GABRA4: variants seen among roughly 807,000 people sequenced by gnomAD.
The protein encoded by GABRA4 is gamma-aminobutyric acid type A receptor subunit alpha4.
Under a neutral mutation model 49.7 loss-of-function variants are expected in GABRA4, and 12 were observed. The ratio of observed to expected loss-of-function variants is 0.24; its 90% CI spans 0.15 to 0.39. GABRA4 has a LOEUF of 0.39. Ranked by LOEUF, GABRA4 falls within the 10% of genes least tolerant of loss-of-function variation. The pLI, the probability that GABRA4 is intolerant of heterozygous loss-of-function variation, is 1.00. For synonymous variants in GABRA4, 288 were observed against 240.2 expected (o/e 1.20, Z -1.84); for missense variants, 506 against 686.0 (o/e 0.74, Z 2.93).
At chr4:46,951,348 TAC>T (rs1304330441) in intron 8 of GABRA4, among the ~76,000 whole-genome samples, 3 of 151,368 alleles carry the variant, frequency 2.0e-5, no homozygotes, top group African/African-American at 7.3e-5. Flanking sequence ...ATTGTATTCA[TAC>T]AGTCTTTCAT....
At chr4:46,981,077 G>A (rs1201385631) in intron 2 of GABRA4, among the ~76,000 whole-genome samples, 1 of 152,012 alleles carries the variant, frequency 6.6e-6, no homozygotes, top group Non-Finnish European at 1.5e-5. Flanking sequence ...CGCTGATTTA[G>A]TACTAGGCAT....
At chr4:46,985,743 A>T (rs1177937703) in intron 2 of GABRA4, among the ~76,000 whole-genome samples, 1 of 152,030 alleles carries the variant, frequency 6.6e-6, no homozygotes, top group African/African-American at 2.4e-5. Flanking sequence ...CCTAACCCTA[A>T]TGAAAATGTA....
At chr4:46,944,499 G>T (rs1176147041) in intron 8 of GABRA4, among the ~76,000 whole-genome samples, 1 of 151,852 alleles carries the variant, frequency 6.6e-6, no homozygotes, top group African/African-American at 2.4e-5. Flanking sequence ...AAAATAAATT[G>T]CTTGCACACA....
At chr4:46,944,887 G>A (rs1222288175) in intron 8 of GABRA4, among the ~76,000 whole-genome samples, 1 of 152,002 alleles carries the variant, frequency 6.6e-6, no homozygotes, top group African/African-American at 2.4e-5. Context: ...CCTCAACAGT[G>A]TCTAACTGTT....
At chr4:46,953,624 G>A in intron 8 of GABRA4, among the ~76,000 whole-genome samples, 1 of 152,114 alleles carries the variant, frequency 6.6e-6, no homozygotes, top group African/African-American at 2.4e-5. Context: ...GTGATTTTTA[G>A]AGTTGACAAA....
At chr4:46,962,664 CAAAGAATG>C (rs1208581999) in intron 8 of GABRA4, among the ~76,000 whole-genome samples, 2 of 151,662 alleles carry the variant, frequency 1.3e-5, no homozygotes, top group Non-Finnish European at 2.9e-5. Flanking sequence ...ATCCTAAGCA[CAAAGAATG>C]AAACTGGAGG....
chr4:46,972,969 C>T (rs1723002978), intron 6 of GABRA4, among the ~76,000 whole-genome samples: 1 of 151,738 alleles, frequency 6.6e-6, no homozygotes. Context: ...GCAGTCAACA[C>T]CTTTTAAGAA....
At position 46,928,139 on chromosome 4, in the gene GABRA4, T is replaced by G; in HGVS notation, c.*86A>C. On this transcript the variant is annotated 3_prime_UTR_variant, in exon 9 of 9. Coordinates refer to ENST00000264318, the MANE Select transcript of GABRA4 (RefSeq NM_000809.4). ...AAATTACACAGAGTTTTTATTTTAGTAAAGAATATTTGTTTATATTTAAAA... is the reference window on the plus strand; with the variant it reads ...AAATTACACAGAGTTTTTATTTTAGGAAAGAATATTTGTTTATATTTAAAA... 8.9e-7 allele frequency: 1 copy of G among 1,125,932 alleles called. No individual in the cohort carries two copies. Among genetic ancestry groups the G allele is most frequent in the Admixed American group, 2.9e-5 (1 of 34,914 alleles). 69.7% of individuals were successfully genotyped at this position (1,125,932 alleles called of 1,614,324 possible). A position where few individuals can be genotyped will look rare whatever the true frequency, so the allele number is the denominator to read the frequency against.
At chr4:46,967,324 G>A (rs1722798578) in intron 7 of GABRA4, among the ~76,000 whole-genome samples, 1 of 150,500 alleles carries the variant, frequency 6.6e-6, no homozygotes, top group Non-Finnish European at 1.5e-5. Flanking sequence ...TCAAATACAA[G>A]CAACTTAAGA....
At chr4:46,968,284 C>T (rs1367751656) in intron 7 of GABRA4, among the ~76,000 whole-genome samples, 1 of 151,316 alleles carries the variant, frequency 6.6e-6, no homozygotes. Flanking sequence ...CATCTTAGGT[C>T]TTTGAAGACT....
intron 8 of GABRA4, among the ~76,000 whole-genome samples, chr4:46,951,806 G>A (rs1391357456): frequency 6.6e-6 from 1 of 151,596 alleles, no homozygotes; most frequent in Admixed American, 6.6e-5. Flanking sequence ...GTGTGTGTGT[G>A]TGTGTGTGTA....
Position 46,921,009 on chromosome 4 carries a change from T to C in GABRA4, c.*7216A>G, listed in dbSNP as rs1434492716. 6.6e-6 allele frequency: 1 copy of C among 151,890 alleles called. No individual in the cohort carries two copies. The highest frequency in any genetic ancestry group is 1.5e-5 in the Non-Finnish European group (1 of 67,808). 9.4% of individuals were successfully genotyped at this position (151,890 alleles called of 1,614,324 possible). On this transcript the variant is annotated 3_prime_UTR_variant, in exon 9 of 9. Transcript: ENST00000264318. ...CGGTTCAGTGATAATATCATACTCT[T>C]GAATATCGTAAATTTCCTTTGCATA...
chr4:46,957,144 C>A (rs1471451485), intron 8 of GABRA4, among the ~76,000 whole-genome samples: 6 of 151,810 alleles, frequency 4.0e-5, no homozygotes, highest in South Asian at 2.1e-4. Context: ...TTATTATAAG[C>A]CTTTCCAGTA....
At chr4:46,942,610 G>T (rs1352115915) in intron 8 of GABRA4, among the ~76,000 whole-genome samples, 3 of 147,688 alleles carry the variant, frequency 2.0e-5, no homozygotes, top group African/African-American at 7.6e-5. Flanking sequence ...GGGCGACAGA[G>T]TGAGACTCTG....
Position 46,965,054 on chromosome 4 carries a change from T to A in GABRA4, c.1050A>T (p.Lys350Asn), listed in dbSNP as rs1370080774. Residue 350 changes from lysine to asparagine, a missense_variant, in exon 8 of 9, where the codon AAA (lysine) becomes AAT (asparagine). Physicochemically the swap from Lys to Asn is moderately conservative, Grantham distance 94 (BLOSUM62 0). Transcript: ENST00000264318. ...GGGGCTTTGATGTCTTCCTTTTGGC[T>A]TTTTCCATTTGAATATTGGTGAAAT... is the stretch of plus-strand genomic sequence containing the variant. ...VNYFTNIQMEKAKRKTSKPPQ... is the reference protein window; with the variant it reads ...VNYFTNIQMENAKRKTSKPPQ... 6.2e-7 allele frequency: 1 copy of A among 1,611,854 alleles called. No homozygotes were observed. The highest frequency in any genetic ancestry group is 1.3e-5 in the African/African-American group (1 of 74,686).
intron 7 of GABRA4, among the ~76,000 whole-genome samples, chr4:46,968,407 C>G (rs968157983): frequency 1.3e-4 from 20 of 151,176 alleles, no homozygotes; most frequent in African/African-American, 4.8e-4. Flanking sequence ...ATCTTTAGCA[C>G]ATATCCATGT....
chr4:46,987,104 T>C (rs920055195), intron 2 of GABRA4, among the ~76,000 whole-genome samples: 13 of 152,116 alleles, frequency 8.5e-5, no homozygotes, highest in African/African-American at 3.1e-4. Flanking sequence ...TCACTTTTGA[T>C]CTGACTCAGA....
rs1721271316 is a variant in GABRA4 at position 46,927,588 on chromosome 4, G to A, written c.*637C>T. The A allele has an allele frequency of 6.6e-6, 1 of 152,438 alleles. No individual in the cohort carries two copies. The allele number at this position is 152,438 out of a possible 1,614,324, so 9.4% of individuals were successfully genotyped here. A position where few individuals can be genotyped will look rare whatever the true frequency, so the allele number is the denominator to read the frequency against. On this transcript the variant is annotated 3_prime_UTR_variant, in exon 9 of 9. Transcript: ENST00000264318. ...GAATTCATACAATGAGTTAAACTTTGGCTCAGAGAACAAAATTTCAAGTCA... is the reference window on the plus strand; with the variant it reads ...GAATTCATACAATGAGTTAAACTTTAGCTCAGAGAACAAAATTTCAAGTCA...
intron 8 of GABRA4, among the ~76,000 whole-genome samples, chr4:46,939,023 G>T (rs1441303295): frequency 1.3e-5 from 2 of 152,050 alleles, no homozygotes; most frequent in Admixed American, 1.3e-4. Flanking sequence ...CTTTGTGGAA[G>T]TAATACTTAA....
Sources: allele counts gnomAD v4.1 joint callset (sites outside exome capture counted in the v4.1 genomes callset), GRCh38; gene constraint gnomAD v4.1.1; transcripts MANE v1.5; gene names NCBI Gene and HGNC (gene_info 2026-07-23, HGNC 2026-07-21).